FER1L6: variants seen among roughly 807,000 people sequenced by gnomAD.
The protein encoded by FER1L6 is fer-1 like family member 6, also known as fer-1-like protein 6.
A neutral mutation model predicts 219.2 loss-of-function variants in FER1L6; 177 were observed. That is an observed-to-expected ratio of 0.81 (90% CI 0.71 to 0.91). FER1L6 has a LOEUF of 0.91. Ranked by LOEUF, FER1L6 falls within the 40% of genes least tolerant of loss-of-function variation. FER1L6 has a pLI of 0.00. For missense variants in FER1L6, 2,153 were observed against 2,259.9 expected (o/e 0.95, Z 0.96); for synonymous variants, 768 against 824.3 (o/e 0.93, Z 1.17).
chr8:124,041,145 A>C (rs762553279), intron 20 of FER1L6, among the ~76,000 whole-genome samples: 1 of 152,158 alleles, frequency 6.6e-6, no homozygotes, highest in Non-Finnish European at 1.5e-5. Context: ...TGCCCATCTC[A>C]GGGAGTTAAG....
intron 1 of FER1L6, among the ~76,000 whole-genome samples, chr8:123,855,058 C>T (rs373710252): frequency 1.5e-4 from 23 of 152,182 alleles, no homozygotes; most frequent in Non-Finnish European, 2.1e-4. Context: ...CCTCTTCAAT[C>T]GGCCCTGGGT....
chr8:124,052,776 C>CTCTG (rs552024765), intron 22 of FER1L6, among the ~76,000 whole-genome samples: 72 of 152,196 alleles, frequency 4.7e-4, no homozygotes, highest in African/African-American at 1.6e-3. Flanking sequence ...CAGAGCAAGA[C>CTCTG]TCTGTCTCAA....
intron 12 of FER1L6, among the ~76,000 whole-genome samples, chr8:124,002,765 G>A (rs991322319): frequency 7.1e-6 from 1 of 141,152 alleles, no homozygotes; most frequent in Non-Finnish European, 1.5e-5. Flanking sequence ...TTGGAAAGGT[G>A]TTCATGATAT....
chr8:124,040,454 C>T (rs771095883), intron 20 of FER1L6: 3 of 199,836 alleles, frequency 1.5e-5, no homozygotes, highest in East Asian at 1.1e-4. Flanking sequence ...TGGGGAGCTT[C>T]GCATGCTTTT....
chr8:123,899,332 G>C (rs940701437), intron 1 of FER1L6, among the ~76,000 whole-genome samples: 3 of 151,930 alleles, frequency 2.0e-5, no homozygotes, highest in African/African-American at 7.3e-5. Flanking sequence ...CATGCCCTTA[G>C]CCCACTTTTT....
intron 13 of FER1L6, among the ~76,000 whole-genome samples, chr8:124,007,391 A>G (rs564544196): frequency 9.2e-5 from 14 of 151,712 alleles, no homozygotes; most frequent in African/African-American, 3.4e-4. Context: ...TTCTCTTCAC[A>G]CAGTCCCAGG....
chr8:124,042,311 A>C (rs1187537854), intron 20 of FER1L6, among the ~76,000 whole-genome samples: 1 of 152,252 alleles, frequency 6.6e-6, no homozygotes, highest in Non-Finnish European at 1.5e-5. Flanking sequence ...CATAATTTTA[A>C]GCCAAGTACC....
In FER1L6 at chr8:124,061,844, C is replaced by G; in HGVS notation, c.3148-8C>G. On this transcript the variant is annotated splice_region_variant and splice_polypyrimidine_tract_variant and intron_variant, in intron 24 of 40. Transcript: ENST00000522917. The stretch of plus-strand genomic sequence containing the variant: ...AGGCCCCTTCTTCATCTCATCCTCT[C>G]TCTGCAGGAACTGCCTGAGAACGAG... 6.2e-7 allele frequency: 1 copy of G among 1,612,958 alleles called. No homozygotes were observed. The highest frequency in any genetic ancestry group is 8.5e-7 in the Non-Finnish European group (1 of 1,179,882).
chr8:124,000,250 T>C (rs1416764225), intron 12 of FER1L6, among the ~76,000 whole-genome samples: 2 of 152,216 alleles, frequency 1.3e-5, no homozygotes, highest in Admixed American at 6.5e-5. Flanking sequence ...TGCTAGGGGA[T>C]GGAGAAGAAT....
At chr8:124,039,776 G>C (rs543441235) in intron 19 of FER1L6, 106 bp from the exon 20 acceptor site, 2 of 1,438,492 alleles carry the variant, frequency 1.4e-6, no homozygotes, top group African/African-American at 2.8e-5. Flanking sequence ...GTCTCCTTTT[G>C]TCTGTCTGTG....
chr8:124,092,852 CTTTTTT>C lies in FER1L6; in HGVS notation c.4552+1285_4552+1290del, dbSNP rs56104148. Among the ~76,000 whole-genome samples the C allele has an allele frequency of 7.1e-3, 1,000 of 140,054 alleles. 7 individuals are homozygous for C. Among genetic ancestry groups the C allele is most frequent in the African/African-American group, 0.022 (814 of 37,360 alleles). The allele number at this position is 140,054 out of a possible 152,430, so 91.9% of individuals were successfully genotyped here. A position where few individuals can be genotyped will look rare whatever the true frequency, so the allele number is the denominator to read the frequency against. ...AGAGAGAAAGCGGGGAAGTGCTACC[CTTTTTT>C]TTTTTTTTTTTTTTTGAGATGGAGT... On this transcript the variant is annotated intron_variant, in intron 34 of 40. Transcript: ENST00000522917.
chr8:123,992,574 G>A (rs542406515), intron 12 of FER1L6, among the ~76,000 whole-genome samples: 2 of 151,978 alleles, frequency 1.3e-5, no homozygotes, highest in African/African-American at 2.4e-5. Flanking sequence ...TTCTAATTGA[G>A]ATTATTTGCA....
At chr8:124,004,385 C>G (rs1459167260) in intron 13 of FER1L6, among the ~76,000 whole-genome samples, 1 of 152,066 alleles carries the variant, frequency 6.6e-6, no homozygotes, top group Non-Finnish European at 1.5e-5. Flanking sequence ...TATTTCTTCC[C>G]CCATTTTGTA....
At chr8:123,988,971 A>G (rs1049101689) in intron 12 of FER1L6, among the ~76,000 whole-genome samples, 2 of 152,098 alleles carry the variant, frequency 1.3e-5, no homozygotes, top group African/African-American at 4.8e-5. Context: ...TCTGTCATAT[A>G]TCGCTTTTAT....
chr8:124,099,286 G>T (rs1391666378), intron 37 of FER1L6, among the ~76,000 whole-genome samples: 1 of 152,130 alleles, frequency 6.6e-6, no homozygotes, highest in Non-Finnish European at 1.5e-5. Flanking sequence ...CCGATGTGTA[G>T]ATTCCTCAAA....
At chr8:124,080,513 T>C (rs1821494290) in intron 32 of FER1L6, among the ~76,000 whole-genome samples, 1 of 152,154 alleles carries the variant, frequency 6.6e-6, no homozygotes, top group Non-Finnish European at 1.5e-5. Flanking sequence ...AGACAGGGTT[T>C]CACCATGTTG....
chr8:123,889,894 G>A (rs780743763), intron 1 of FER1L6, among the ~76,000 whole-genome samples: 2 of 152,070 alleles, frequency 1.3e-5, no homozygotes, highest in Non-Finnish European at 2.9e-5. Flanking sequence ...TAAGTCATAT[G>A]TAGTTTTTTT....
intron 33 of FER1L6, among the ~76,000 whole-genome samples, chr8:124,085,501 T>C (rs947665444): frequency 6.6e-6 from 1 of 152,206 alleles, no homozygotes; most frequent in East Asian, 1.9e-4. Context: ...CAGGAGCATA[T>C]TGTTTAATTT....
intron 1 of FER1L6, among the ~76,000 whole-genome samples, chr8:123,935,179 C>A (rs1813937201): frequency 6.6e-6 from 1 of 152,052 alleles, no homozygotes; most frequent in African/African-American, 2.4e-5. Context: ...TTCTCCTCTC[C>A]TTTCCTTTCC....
Sources: allele counts gnomAD v4.1 joint callset (sites outside exome capture counted in the v4.1 genomes callset), GRCh38; gene constraint gnomAD v4.1.1; transcripts MANE v1.5; gene names NCBI Gene and HGNC (gene_info 2026-07-23, HGNC 2026-07-21).